PIAS2: variants seen among roughly 807,000 people sequenced by gnomAD.
PIAS2 encodes the protein protein inhibitor of activated STAT 2.
Under a neutral mutation model 69.7 loss-of-function variants are expected in PIAS2, and 19 were observed. That is an observed-to-expected ratio of 0.27 (90% CI 0.19 to 0.40). The LOEUF is 0.40. PIAS2 is among the 10% of genes least tolerant of loss of function. The pLI is 1.00. For missense variants in PIAS2, 624 were observed against 757.0 expected (o/e 0.82, Z 2.06); for synonymous variants, 261 against 263.2 (o/e 0.99, Z 0.08).
intron 3 of PIAS2, among the ~76,000 whole-genome samples, chr18:46,861,811 C>CA (rs2048709997): frequency 6.6e-6 from 1 of 152,044 alleles, no homozygotes; most frequent in South Asian, 2.1e-4. Flanking sequence ...GATGACTCAA[C>CA]AATTAAATGT....
intron 5 of PIAS2, chr18:46,853,873 G>A (rs958179439): frequency 2.6e-5 from 4 of 152,234 alleles, no homozygotes; most frequent in African/African-American, 4.8e-5. Context: ...CAAACTAAAT[G>A]TCCCACCCGG....
intron 9 of PIAS2, among the ~76,000 whole-genome samples, chr18:46,836,026 C>G (rs1238601188): frequency 1.3e-5 from 2 of 152,162 alleles, no homozygotes; most frequent in African/African-American, 4.8e-5. Flanking sequence ...TGCATAGACC[C>G]TAATTGCTAC....
Position 46,890,702 on chromosome 18 carries a change from G to A in PIAS2, c.377C>T (p.Thr126Ile). Residue 126 changes from threonine (T) to isoleucine (I), a missense_variant, in exon 2 of 14, where the codon ACT becomes ATT. Thr to Ile is a moderately conservative substitution (Grantham distance 89). This residue lies in a region of PIAS2 where 339 missense variants were observed against 408.8 expected (regional missense o/e 0.83). Transcript: ENST00000585916. ...CTGCTGCATCTCAAATGTGGGCTTA[G>A]TATCTTGAAGCAGCACAGAACCAAC... ...SPVGSVLLQD[T>I]KPTFEMQQPS... 2.5e-6 allele frequency: 4 copies of A among 1,614,110 alleles called. No homozygotes were observed. The highest frequency in any genetic ancestry group is 3.4e-6 in the Non-Finnish European group (4 of 1,179,978).
At chr18:46,865,210 C>G (rs1336293805) in intron 2 of PIAS2, among the ~76,000 whole-genome samples, 1 of 152,102 alleles carries the variant, frequency 6.6e-6, no homozygotes, top group Non-Finnish European at 1.5e-5. Context: ...GGCCTCAAGT[C>G]TTTTGCTTCC....
At position 46,814,042 on chromosome 18, in the gene PIAS2, T is replaced by C. The variant is rs115017073; in HGVS notation, c.1686+1270A>G. Among the ~76,000 whole-genome samples the C allele has an allele frequency of 6.3e-3, 956 of 152,260 alleles. 7 individuals carry two copies. Among genetic ancestry groups the C allele is most frequent in the African/African-American group, 0.022 (898 of 41,540 alleles). ...TCTCAGGTAGTTTTTGATTGCCTTA[T>C]AGGAAAAAGATACTCATTCATGAAA... On this transcript the variant is annotated intron_variant, in intron 13 of 13. Transcript: ENST00000585916.
At chr18:46,819,277 C>A (rs552286588) in intron 12 of PIAS2, among the ~76,000 whole-genome samples, 1 of 152,236 alleles carries the variant, frequency 6.6e-6, no homozygotes, top group South Asian at 2.1e-4. Context: ...AATTAAGAAT[C>A]TCTGAATTTC....
chr18:46,872,172 A>T (rs943556664), intron 2 of PIAS2, among the ~76,000 whole-genome samples: 1 of 152,202 alleles, frequency 6.6e-6, no homozygotes, highest in African/African-American at 2.4e-5. Flanking sequence ...TAGACGGGTC[A>T]TGCTGACTAG....
At chr18:46,892,384 T>C (rs1409085517) in intron 1 of PIAS2, among the ~76,000 whole-genome samples, 3 of 152,152 alleles carry the variant, frequency 2.0e-5, no homozygotes, top group Non-Finnish European at 4.4e-5. Flanking sequence ...AATATTAAAT[T>C]GTAATCCTGG....
Position 46,812,559 on chromosome 18 carries a change from A to T in PIAS2, c.1740T>A (p.Ser580Arg). The T allele has an allele frequency of 6.2e-7, 1 of 1,613,498 alleles. No homozygotes were observed. Among genetic ancestry groups the T allele is most frequent in the Non-Finnish European group, 8.5e-7 (1 of 1,179,468 alleles). The change falls in exon 14 of 14, where the codon AGT becomes AGA. Residue 580 changes from serine to arginine, a missense_variant. Ser to Arg is a moderately radical substitution (Grantham distance 110, BLOSUM62 -1). This residue lies in a region of PIAS2 where 241 missense variants were observed against 257.3 expected (regional missense o/e 0.94). Coordinates refer to ENST00000585916, the MANE Select transcript of PIAS2 (RefSeq NM_004671.5). ...GGGAGCTGGTGGTGGTGACAGACGTACTGCTTGCTGTTAAGGGTGAGGTGA... is the reference window on the plus strand; with the variant it reads ...GGGAGCTGGTGGTGGTGACAGACGTTCTGCTTGCTGTTAAGGGTGAGGTGA... The part of the protein sequence containing the change: ...DSLTSPLTAS[S>R]TSVTTTSSHE...
upstream of PIAS2, chr18:46,917,621 C>T: frequency 5.5e-6 from 5 of 915,244 alleles, no homozygotes; most frequent in Non-Finnish European, 6.6e-6. Context: ...GGCGACAGCG[C>T]CCGCCCGCGC....
At position 46,807,384 on chromosome 18, in the gene PIAS2, T is replaced by TATATATA. The variant is rs1491456025; in HGVS notation, c.*5048_*5049insTATATAT. 33 of 18,620 alleles carry TATATATA rather than the reference T, an allele frequency of 1.8e-3. No homozygotes were observed. The highest frequency in any genetic ancestry group is 2.4e-3 in the Non-Finnish European group (23 of 9,740). The allele number at this position is 18,620 out of a possible 1,614,324, so 1.2% of individuals were successfully genotyped here. ...ATATATATATATATATATATATATATTTTTTTTTTTTTTTTTTTTTTTTTT... is the reference window on the plus strand; with the variant it reads ...ATATATATATATATATATATATATATATATATATTTTTTTTTTTTTTTTTTTTTTTTT... On this transcript the variant is annotated 3_prime_UTR_variant, in exon 14 of 14. Coordinates refer to ENST00000585916, the MANE Select transcript of PIAS2 (RefSeq NM_004671.5).
At position 46,917,473 on chromosome 18, in the gene PIAS2, C is replaced by A. The variant is rs1316027222; in HGVS notation, c.-128G>T. On this transcript the variant is annotated 5_prime_UTR_variant, in exon 1 of 14. Coordinates refer to ENST00000585916, the MANE Select transcript of PIAS2 (RefSeq NM_004671.5). Reference sequence around the variant, plus strand: ...CTGCACTGGGCGCCGCTTAAGACGCCGCGGCCGCCGCCGCTACAGCCGGGC... The same window carrying A: ...CTGCACTGGGCGCCGCTTAAGACGCAGCGGCCGCCGCCGCTACAGCCGGGC... The A allele has an allele frequency of 1.7e-6, 2 of 1,207,962 alleles. No individual in the cohort carries two copies. The highest frequency in any genetic ancestry group is 3.2e-5 in the African/African-American group (2 of 62,334). 74.8% of individuals were successfully genotyped at this position (1,207,962 alleles called of 1,614,324 possible).
chr18:46,873,424 C>A (rs193252812), intron 2 of PIAS2, among the ~76,000 whole-genome samples: 57 of 152,188 alleles, frequency 3.7e-4, no homozygotes, highest in African/African-American at 1.3e-3. Flanking sequence ...ATAGATGGCC[C>A]CTCTAGGGTA....
In PIAS2 at chr18:46,809,880, C is replaced by T. The variant is rs553039277; in HGVS notation, c.*2553G>A. 6.6e-6 allele frequency: 1 copy of T among 152,038 alleles called. No individual in the cohort carries two copies. The highest frequency in any genetic ancestry group is 2.4e-5 in the African/African-American group (1 of 41,376). The allele number at this position is 152,038 out of a possible 1,614,324, so 9.4% of individuals were successfully genotyped here. Reference sequence around the variant, plus strand: ...GACAGCTAAGATCACCCCTCTGAAACTCCCTTATATTTGGTTAAGCAGAAA... The same window carrying T: ...GACAGCTAAGATCACCCCTCTGAAATTCCCTTATATTTGGTTAAGCAGAAA... On this transcript the variant is annotated 3_prime_UTR_variant, in exon 14 of 14. Coordinates refer to ENST00000585916, the MANE Select transcript of PIAS2 (RefSeq NM_004671.5).
chr18:46,911,555 C>G (rs1240580368), intron 1 of PIAS2, among the ~76,000 whole-genome samples: 1 of 152,008 alleles, frequency 6.6e-6, no homozygotes, highest in African/African-American at 2.4e-5. Context: ...ACAGGTTTAA[C>G]AGAAGTGAAG....
At chr18:46,864,323 C>T in intron 2 of PIAS2, 75 bp from the exon 3 acceptor site, 1 of 970,426 alleles carries the variant, frequency 1.0e-6, no homozygotes, top group Non-Finnish European at 1.5e-6. Flanking sequence ...AATAACCAGG[C>T]ATTTTTTATA....
intron 1 of PIAS2, among the ~76,000 whole-genome samples, chr18:46,916,479 T>C (rs2057918993): frequency 6.6e-6 from 1 of 151,868 alleles, no homozygotes; most frequent in Non-Finnish European, 1.5e-5. Context: ...TACACACAAA[T>C]CCATCTCATT....
chr18:46,826,644 CCAA>C (rs1394784958), intron 11 of PIAS2: 1 of 152,086 alleles, frequency 6.6e-6, no homozygotes, highest in Non-Finnish European at 1.5e-5. Flanking sequence ...TACAGATGTA[CCAA>C]CCAATTTGTC....
At position 46,890,606 on chromosome 18, in the gene PIAS2, T is replaced by C; in HGVS notation, c.473A>G (p.Asp158Gly). ...TAAACTCGTGGGCTTGATGAGAACA[T>C]CAAGGACATCATAAAAGGGCAGATT... Reference protein sequence around the residue: ...LKNLPFYDVLDVLIKPTSLVQ... With the variant: ...LKNLPFYDVLGVLIKPTSLVQ... Residue 158 changes from aspartate (D) to glycine (G), a missense_variant, in exon 2 of 14, where the codon GAT (aspartate) becomes GGT (glycine). Asp to Gly is a moderately conservative substitution (Grantham distance 94, BLOSUM62 -1). Coordinates refer to ENST00000585916, the MANE Select transcript of PIAS2 (RefSeq NM_004671.5). 4 of 1,613,486 alleles carry C rather than the reference T, an allele frequency of 2.5e-6. No individual in the cohort carries two copies. Among genetic ancestry groups the C allele is most frequent in the Non-Finnish European group, 2.5e-6 (3 of 1,179,480 alleles).
Sources: gnomAD v4.1 joint callset for allele counts (sites outside exome capture counted in the v4.1 genomes callset) on GRCh38, gnomAD v4.1.1 for gene constraint, gnomAD v4.1.1 regional missense constraint, MANE v1.5 for transcripts, NCBI Gene and HGNC (gene_info 2026-07-23, HGNC 2026-07-21) for gene names.